Variants in PRR5L observed in about 807,000 individuals in gnomAD.
The protein encoded by PRR5L is proline-rich protein 5-like.
In PRR5L, 21 loss-of-function variants were observed where a neutral mutation model predicts 36.4. The observed-to-expected ratio is 0.58, with a 90% CI of 0.41 to 0.83. PRR5L has a LOEUF of 0.83. Ranked by LOEUF, PRR5L falls within the 40% of genes least tolerant of loss-of-function variation. The pLI, the probability that PRR5L is intolerant of heterozygous loss-of-function variation, is 0.00. For synonymous variants in PRR5L, 188 were observed against 197.0 expected, an observed-to-expected ratio of 0.95 and a Z score of 0.38; for missense variants, 381 against 473.3, an observed-to-expected ratio of 0.80 and a Z score of 1.81.
chr11:36,400,212 G>A (rs901637823), intron 1 of PRR5L, among the ~76,000 whole-genome samples: 15 of 152,234 alleles, frequency 9.9e-5, no homozygotes, highest in Non-Finnish European at 1.9e-4. Context: ...GCATGACATA[G>A]AAGAGTGCCT....
intron 4 of PRR5L, among the ~76,000 whole-genome samples, chr11:36,423,117 G>C (rs185998860): frequency 2.0e-5 from 3 of 152,270 alleles, no homozygotes; most frequent in East Asian, 3.9e-4. Context: ...AGTTTTGCTT[G>C]ATATAGAAAC....
At chr11:36,420,593 T>C (rs963338037) in intron 4 of PRR5L, among the ~76,000 whole-genome samples, 2 of 152,208 alleles carry the variant, frequency 1.3e-5, no homozygotes, top group Non-Finnish European at 2.9e-5. Context: ...TATAAGTGCC[T>C]ATGTGTTATT....
At chr11:36,361,152 T>C (rs1323456194) in intron 1 of PRR5L, among the ~76,000 whole-genome samples, 1 of 152,214 alleles carries the variant, frequency 6.6e-6, no homozygotes. Context: ...AACATTAATA[T>C]ATTATTTGCC....
intron 6 of PRR5L, among the ~76,000 whole-genome samples, 181 bp from the exon 7 acceptor site, chr11:36,446,119 T>C (rs551209882): frequency 6.6e-6 from 1 of 152,336 alleles, no homozygotes; most frequent in South Asian, 2.1e-4. Context: ...TGCCTTATCT[T>C]AACAGCATTT....
chr11:36,335,691 G>A (rs72950021), intron 1 of PRR5L, among the ~76,000 whole-genome samples: 3,359 of 152,148 alleles, frequency 0.022, 76 homozygotes, highest in East Asian at 0.099. Flanking sequence ...ATACAACATG[G>A]TCTACTTAAG....
intron 1 of PRR5L, among the ~76,000 whole-genome samples, chr11:36,338,072 G>A (rs193224732): frequency 5.2e-4 from 79 of 152,166 alleles, no homozygotes; most frequent in African/African-American, 1.9e-3. Flanking sequence ...ACTTTGTCAC[G>A]TGGCCATACC....
intron 1 of PRR5L, among the ~76,000 whole-genome samples, chr11:36,345,977 G>A (rs530902128): frequency 1.3e-5 from 2 of 152,322 alleles, no homozygotes; most frequent in East Asian, 1.9e-4. Flanking sequence ...CAGTGAGAGC[G>A]TCACGTTTGA....
Position 36,446,451 on chromosome 11 carries a change from G to C in PRR5L, c.585+11G>C, listed in dbSNP as rs1458762607. ...TTGCTCATCCTGCAGGTGAGGCTGTGCTGGAGACTTGCCCCAAGGCAGAGG... is the reference window on the plus strand; with the variant it reads ...TTGCTCATCCTGCAGGTGAGGCTGTCCTGGAGACTTGCCCCAAGGCAGAGG... On this transcript the variant is annotated intron_variant, in intron 7 of 8. Coordinates refer to ENST00000530639, the MANE Select transcript of PRR5L (RefSeq NM_001160167.2). 3 of 1,613,638 alleles carry C rather than the reference G, an allele frequency of 1.9e-6. No individual in the cohort carries two copies. Among genetic ancestry groups the C allele is most frequent in the East Asian group, 4.5e-5 (2 of 44,872 alleles).
chr11:36,424,287 T>C (rs1858333197), intron 4 of PRR5L, among the ~76,000 whole-genome samples: 1 of 152,176 alleles, frequency 6.6e-6, no homozygotes, highest in Non-Finnish European at 1.5e-5. Context: ...AGATGAGGTG[T>C]AATTAGGGAT....
intron 4 of PRR5L, among the ~76,000 whole-genome samples, chr11:36,423,792 A>AT (rs751334245): frequency 1.3e-5 from 2 of 152,170 alleles, no homozygotes; most frequent in Admixed American, 6.5e-5. Context: ...CAGAGGTTGC[A>AT]TTTTTTGATT....
At chr11:36,343,151 G>A (rs1448048308) in intron 1 of PRR5L, among the ~76,000 whole-genome samples, 1 of 152,216 alleles carries the variant, frequency 6.6e-6, no homozygotes, top group Admixed American at 6.5e-5. Context: ...GATGTGACTG[G>A]CTTGTGTGAT....
intron 1 of PRR5L, among the ~76,000 whole-genome samples, chr11:36,326,971 A>G (rs1590444523): frequency 6.6e-6 from 1 of 152,278 alleles, no homozygotes; most frequent in East Asian, 1.9e-4. Flanking sequence ...ATCACAAGTT[A>G]AAGTGGAGTG....
intron 1 of PRR5L, among the ~76,000 whole-genome samples, chr11:36,392,009 C>T (rs1226118174): frequency 6.6e-6 from 1 of 152,184 alleles, no homozygotes; most frequent in Non-Finnish European, 1.5e-5. Context: ...ATTTTCCTGT[C>T]TCCGTGAGTT....
chr11:36,360,568 A>AAC (rs1242463883), intron 1 of PRR5L, among the ~76,000 whole-genome samples: 2 of 152,028 alleles, frequency 1.3e-5, no homozygotes, highest in Non-Finnish European at 2.9e-5. Flanking sequence ...TCGCACATGT[A>AAC]ACACACACAC....
chr11:36,327,873 G>A (rs1021748660), intron 1 of PRR5L, among the ~76,000 whole-genome samples: 1 of 152,146 alleles, frequency 6.6e-6, no homozygotes, highest in African/African-American at 2.4e-5. Flanking sequence ...AAGTTTTCCT[G>A]CCTTTCTGGA....
intron 6 of PRR5L, among the ~76,000 whole-genome samples, chr11:36,444,945 G>A (rs1590598744): frequency 6.6e-6 from 1 of 152,228 alleles, no homozygotes; most frequent in African/African-American, 2.4e-5. Context: ...TCCAACAGAG[G>A]TAGTACCAAC....
At chr11:36,462,243 A>G in intron 8 of PRR5L, 99 bp from the exon 9 acceptor site, 1 of 1,214,626 alleles carries the variant, frequency 8.2e-7, no homozygotes, top group Non-Finnish European at 1.1e-6. Flanking sequence ...CTGCTCCTAA[A>G]GGTTGAGCAC....
At chr11:36,318,461 G>T (rs553169813) in intron 1 of PRR5L, among the ~76,000 whole-genome samples, 1 of 147,862 alleles carries the variant, frequency 6.8e-6, no homozygotes, top group South Asian at 2.3e-4. Context: ...TGGTGAATCT[G>T]CGAAGTCCTG....
At chr11:36,431,113 G>A (rs1337364312) in intron 4 of PRR5L, among the ~76,000 whole-genome samples, 4 of 152,180 alleles carry the variant, frequency 2.6e-5, no homozygotes, top group Non-Finnish European at 5.9e-5. Flanking sequence ...AAGGGGTCTG[G>A]GTGGGAAGAC....
Sources: gnomAD v4.1 joint callset for allele counts (sites outside exome capture counted in the v4.1 genomes callset) on GRCh38, gnomAD v4.1.1 for gene constraint, MANE v1.5 for transcripts, NCBI Gene and HGNC (gene_info 2026-07-23, HGNC 2026-07-21) for gene names.